The following KCNAB1 variants were observed in gnomAD, a reference collection of about 807,000 sequenced individuals.
The protein encoded by KCNAB1 is potassium voltage-gated channel subfamily A regulatory beta subunit 1, also known as voltage-gated potassium channel subunit beta-1.
A neutral mutation model predicts 64.6 loss-of-function variants in KCNAB1; 35 were observed. That is an observed-to-expected ratio of 0.54 (90% CI 0.41 to 0.72). The LOEUF is 0.72. Ranked by LOEUF, KCNAB1 falls within the 30% of genes least tolerant of loss-of-function variation. The pLI, the probability that KCNAB1 is intolerant of heterozygous loss-of-function variation, is 0.00. For synonymous variants in KCNAB1, 177 were observed against 183.8 expected (o/e 0.96, Z 0.30); for missense variants, 401 against 512.9 (o/e 0.78, Z 2.11).
chr3:156,534,221 C>T (rs1225418228), intron 13 of KCNAB1, among the ~76,000 whole-genome samples: 3 of 152,136 alleles, frequency 2.0e-5, no homozygotes, highest in Non-Finnish European at 2.9e-5. Context: ...ATGGAAAATA[C>T]GGAGCACCAG....
rs574259269 is a variant in KCNAB1 at position 156,120,638 on chromosome 3, G to A, written c.27G>A (p.Ala9=). The change falls in exon 1 of 14, where the codon GCG becomes GCA. Residue 9 remains alanine (A), a synonymous_variant. Transcript: ENST00000490337. The stretch of plus-strand genomic sequence containing the variant: ...TGCTGGCAGCCCGGACAGGGGCAGC[G>A]GGGAGTCAGATCTCAGAGGAGAACA... MLAARTGA[A]GSQISEENTK... The A allele has an allele frequency of 2.4e-4, 392 of 1,614,166 alleles. No homozygotes were observed. In the South Asian group the frequency reaches 3.9e-3, roughly 16 times the overall value.
chr3:156,459,534 C>A (rs907555753), intron 4 of KCNAB1, among the ~76,000 whole-genome samples: 1 of 152,074 alleles, frequency 6.6e-6, no homozygotes, highest in East Asian at 1.9e-4. Context: ...TATATGGGAT[C>A]ATTGGTTCAA....
At chr3:156,129,107 C>T (rs1461296889) in intron 1 of KCNAB1, among the ~76,000 whole-genome samples, 1 of 152,154 alleles carries the variant, frequency 6.6e-6, no homozygotes, top group African/African-American at 2.4e-5. Context: ...CCATATCCTT[C>T]AGTGAAGGAG....
At chr3:156,286,201 T>G (rs535768926) in intron 1 of KCNAB1, among the ~76,000 whole-genome samples, 1 of 152,364 alleles carries the variant, frequency 6.6e-6, no homozygotes, top group South Asian at 2.1e-4. Context: ...GCTGTGCTCA[T>G]GCAAATGTGG....
At chr3:156,506,038 G>A (rs116451893) in intron 8 of KCNAB1, among the ~76,000 whole-genome samples, 58 of 152,292 alleles carry the variant, frequency 3.8e-4, no homozygotes, top group African/African-American at 1.2e-3. Context: ...ATTTGGAGAG[G>A]ACAAACATCC....
chr3:156,242,916 T>C (rs1433283598), intron 1 of KCNAB1, among the ~76,000 whole-genome samples: 1 of 151,950 alleles, frequency 6.6e-6, no homozygotes, highest in Non-Finnish European at 1.5e-5. Context: ...TATTTTATTT[T>C]ATTTTATTTT....
intron 12 of KCNAB1, among the ~76,000 whole-genome samples, chr3:156,528,800 G>A (rs566761263): frequency 1.3e-4 from 20 of 152,304 alleles, no homozygotes; most frequent in African/African-American, 4.8e-4. Flanking sequence ...TTCAAGGTAG[G>A]GAGCCATGAA....
At chr3:156,342,585 C>CTTTTTTTTTTTTTT (rs60982892) in intron 1 of KCNAB1, among the ~76,000 whole-genome samples, 5 of 86,242 alleles carry the variant, frequency 5.8e-5, no homozygotes, top group East Asian at 3.8e-4. Context: ...CTATGTGTTT[C>CTTTTTTTTTTTTTT]TTTTTTTTTT....
chr3:156,160,863 A>G (rs1431666881), intron 1 of KCNAB1, among the ~76,000 whole-genome samples: 2 of 152,186 alleles, frequency 1.3e-5, no homozygotes, highest in Non-Finnish European at 2.9e-5. Context: ...ATGCTCATTG[A>G]TCTAATTAGG....
chr3:156,272,452 T>C (rs1719090093), intron 1 of KCNAB1, among the ~76,000 whole-genome samples: 1 of 152,070 alleles, frequency 6.6e-6, no homozygotes, highest in Non-Finnish European at 1.5e-5. Context: ...TTCCCTCCCC[T>C]TTCCCCAGGC....
chr3:156,184,339 G>A (rs577663067), intron 1 of KCNAB1, among the ~76,000 whole-genome samples: 1 of 152,128 alleles, frequency 6.6e-6, no homozygotes, highest in Admixed American at 6.6e-5. Context: ...GCATCTCCAG[G>A]CTCCCTGTTG....
At chr3:156,291,988 C>T in intron 1 of KCNAB1, 1 of 1,614,128 alleles carries the variant, frequency 6.2e-7, no homozygotes, top group Non-Finnish European at 8.5e-7. Context: ...AGCAGAGCTC[C>T]ACCGCCCCCA....
chr3:156,179,855 T>A (rs1460757244), intron 1 of KCNAB1, among the ~76,000 whole-genome samples: 1 of 152,226 alleles, frequency 6.6e-6, no homozygotes, highest in South Asian at 2.1e-4. Context: ...TGACCATAGT[T>A]ATGTTTTTAA....
chr3:156,309,055 T>C (rs1031157110), intron 1 of KCNAB1, among the ~76,000 whole-genome samples: 4 of 152,190 alleles, frequency 2.6e-5, no homozygotes, highest in Non-Finnish European at 5.9e-5. Context: ...GAAAAAATAA[T>C]CTTCCCTCCA....
At chr3:156,130,322 C>G (rs1280849088) in intron 1 of KCNAB1, among the ~76,000 whole-genome samples, 1 of 151,594 alleles carries the variant, frequency 6.6e-6, no homozygotes, top group Non-Finnish European at 1.5e-5. Context: ...TAGATGTAGC[C>G]TTCATTCCTT....
chr3:156,118,323 A>T (rs1253745042), upstream of KCNAB1: 1 of 455,730 alleles, frequency 2.2e-6, no homozygotes, highest in Non-Finnish European at 4.4e-6. Context: ...GTGGCTGTCC[A>T]GCAAGGCAAT....
intron 1 of KCNAB1, among the ~76,000 whole-genome samples, chr3:156,162,847 C>T (rs1366470500): frequency 6.6e-6 from 1 of 152,072 alleles, no homozygotes; most frequent in Non-Finnish European, 1.5e-5. Flanking sequence ...CAAATTTACA[C>T]CAAAGGAAGC....
chr3:156,239,647 C>T (rs1162210876), intron 1 of KCNAB1, among the ~76,000 whole-genome samples: 1 of 152,200 alleles, frequency 6.6e-6, no homozygotes, highest in Non-Finnish European at 1.5e-5. Flanking sequence ...CGACACTCAC[C>T]ACACTGTCTA....
intron 1 of KCNAB1, among the ~76,000 whole-genome samples, chr3:156,144,535 G>A (rs1714928248): frequency 6.6e-6 from 1 of 152,208 alleles, no homozygotes; most frequent in South Asian, 2.1e-4. Flanking sequence ...TGCTTTAGAA[G>A]GGGAGCTCAC....
Sources: gnomAD v4.1 joint callset for allele counts (sites outside exome capture counted in the v4.1 genomes callset) on GRCh38, gnomAD v4.1.1 for gene constraint, MANE v1.5 for transcripts, NCBI Gene and HGNC (gene_info 2026-07-23, HGNC 2026-07-21) for gene names.